TUBGCP3: variants seen among roughly 807,000 people sequenced by gnomAD.
The protein encoded by TUBGCP3 is gamma-tubulin complex component 3.
TUBGCP3 carries 50 observed loss-of-function variants against 123.1 expected under a neutral mutation model. The ratio of observed to expected loss-of-function variants is 0.41; its 90% CI spans 0.32 to 0.51. TUBGCP3 has a LOEUF of 0.51. Among genes scored for constraint, TUBGCP3 ranks in the 20% least tolerant of loss-of-function variants. The probability of loss-of-function intolerance (pLI) is 0.36; values close to 1 mark genes in which losing one functional copy is unlikely to be tolerated. For missense variants in TUBGCP3, 882 were observed against 1,127.0 expected (o/e 0.78, Z 3.11); for synonymous variants, 405 against 413.9 (o/e 0.98, Z 0.26).
chr13:112,554,834 A>G (rs1879891963), intron 7 of TUBGCP3, 53 bp downstream of exon 7: 2 of 1,342,830 alleles, frequency 1.5e-6, no homozygotes, highest in Non-Finnish European at 2.1e-6. Flanking sequence ...TCTGGACTTC[A>G]TGACATGTTT....
Position 112,539,628 on chromosome 13 carries a change from C to T in TUBGCP3, c.1335+6071G>A, listed in dbSNP as rs1878336313. On this transcript the variant is annotated intron_variant, in intron 11 of 21. Transcript: ENST00000261965. The stretch of plus-strand genomic sequence containing the variant: ...ATTACAAATCATGAACTTCCTAGAG[C>T]TCTATCTAATCTCAGACCCTAGGTA... 2.6e-5 allele frequency among the ~76,000 whole-genome samples: 4 copies of T among 152,340 alleles called. No homozygotes were observed. In the South Asian group the frequency reaches 8.3e-4, roughly 32 times the overall value.
At chr13:112,589,889 C>T (rs1467437625), upstream of TUBGCP3, among the ~76,000 whole-genome samples, 3 of 152,058 alleles carry the variant, frequency 2.0e-5, no homozygotes, top group Non-Finnish European at 4.4e-5. Context: ...AAAAACAGGA[C>T]GAGAAAATTG....
chr13:112,554,033 G>T (rs756474147), intron 8 of TUBGCP3, 24 bp downstream of exon 8: 8 of 1,602,778 alleles, frequency 5.0e-6, no homozygotes, highest in Non-Finnish European at 6.8e-6. Flanking sequence ...CAGCATCCCA[G>T]CATCCTAGGA....
intron 20 of TUBGCP3, among the ~76,000 whole-genome samples, chr13:112,498,597 C>T (rs1340441939): frequency 6.6e-6 from 1 of 152,188 alleles, no homozygotes; most frequent in African/African-American, 2.4e-5. Flanking sequence ...ATATTAAATG[C>T]ACTTTCAGTG....
chr13:112,599,443 G>A, the TUBGCP3 span, among the ~76,000 whole-genome samples: 8 of 151,964 alleles, frequency 5.3e-5, no homozygotes, highest in African/African-American at 1.9e-4. Context: ...ATTTATATTG[G>A]TATTTATGGG....
In TUBGCP3 at chr13:112,527,447, C is replaced by T. The variant is rs770762441; in HGVS notation, c.1373G>A (p.Arg458Gln). ...VASDPTVKTD[R>Q]LWHDKYTLRK... ...CAAAGTATACTTGTCGTGCCACAGT[C>T]GATCTGTTTTAACTGTTGGATCTGA... The change falls in exon 12 of 22, where the codon CGA becomes CAA. Residue 458 changes from arginine to glutamine, a missense_variant. By Grantham distance (43) the Arg-to-Gln change is conservative. Transcript: ENST00000261965. 5.0e-6 allele frequency: 8 copies of T among 1,611,266 alleles called. No individual in the cohort carries two copies. The South Asian group carries it at 5.5e-5, about 11-fold the overall frequency.
chr13:112,599,645 T>G, the TUBGCP3 span, among the ~76,000 whole-genome samples: 1 of 152,106 alleles, frequency 6.6e-6, no homozygotes, highest in East Asian at 1.9e-4. Context: ...TACCTGGGAC[T>G]ACAGGCGCAT....
chr13:112,539,632 A>G (rs1278969964), intron 11 of TUBGCP3, among the ~76,000 whole-genome samples: 2 of 152,234 alleles, frequency 1.3e-5, no homozygotes, highest in Non-Finnish European at 2.9e-5. Context: ...CTAGAGCTCT[A>G]TCTAATCTCA....
intron 17 of TUBGCP3, 48 bp from the exon 18 acceptor site, chr13:112,504,762 C>T (rs755392001): frequency 1.4e-5 from 21 of 1,452,722 alleles, no homozygotes; most frequent in Middle Eastern, 1.7e-4. Flanking sequence ...GTACACTTAC[C>T]GACAACGCGC....
intron 14 of TUBGCP3, among the ~76,000 whole-genome samples, chr13:112,520,995 G>GT (rs562399571): frequency 2.0e-4 from 31 of 152,212 alleles, no homozygotes; most frequent in Non-Finnish European, 2.2e-4. Context: ...TAGCACGCAT[G>GT]TGATACTTTC....
At chr13:112,599,625 G>A in the TUBGCP3 span, among the ~76,000 whole-genome samples, 11 of 152,058 alleles carry the variant, frequency 7.2e-5, no homozygotes, top group African/African-American at 2.7e-4. Context: ...TCCTACCTCA[G>A]CCTCCTGAGT....
intron 20 of TUBGCP3, among the ~76,000 whole-genome samples, chr13:112,495,557 C>T (rs989470381): frequency 6.6e-6 from 1 of 152,060 alleles, no homozygotes; most frequent in Non-Finnish European, 1.5e-5. Flanking sequence ...ATTACAATAT[C>T]TTTATTAGAA....
In TUBGCP3 at chr13:112,511,796, TACA is replaced by T. The variant is rs1881692391; in HGVS notation, c.2086+4641_2086+4643del. 6.6e-6 allele frequency among the ~76,000 whole-genome samples: 1 copy of T among 152,148 alleles called. No homozygotes were observed. The highest frequency in any genetic ancestry group is 2.1e-4 in the South Asian group (1 of 4,828). ...CTGGGTCTCAGGCTGCTCTCCACTA[TACA>T]CTAGGGAGGTTTGACTGTGGTATCT... On this transcript the variant is annotated intron_variant, in intron 17 of 21. Coordinates refer to ENST00000261965, the MANE Select transcript of TUBGCP3 (RefSeq NM_006322.6). This position sits in a 1 kb window ranked among gnomAD's most constrained non-coding sequence, Gnocchi z 4.1.
intron 20 of TUBGCP3, among the ~76,000 whole-genome samples, chr13:112,492,276 G>A (rs1880147599): frequency 6.6e-6 from 1 of 152,028 alleles, no homozygotes; most frequent in African/African-American, 2.4e-5. Context: ...TTTGATGCTT[G>A]GTTACAAAAG....
chr13:112,519,059 A>C lies in TUBGCP3; in HGVS notation c.1882-16T>G, dbSNP rs1460650378. ...CTGGAGAGACCTAACAACAGAAACA[A>C]ACACATAATTGCAAGACCTTAAGCT... is the stretch of plus-strand genomic sequence containing the variant. On this transcript the variant is annotated splice_polypyrimidine_tract_variant and intron_variant, in intron 15 of 21. Coordinates refer to ENST00000261965, the MANE Select transcript of TUBGCP3 (RefSeq NM_006322.6). The surrounding 1 kb of genome is among the most constrained non-coding windows in gnomAD (Gnocchi z 6.2). The C allele has an allele frequency of 1.2e-6, 2 of 1,607,606 alleles. No homozygotes were observed. Among genetic ancestry groups the C allele is most frequent in the South Asian group, 2.2e-5 (2 of 90,940 alleles).
intron 4 of TUBGCP3, among the ~76,000 whole-genome samples, chr13:112,558,982 A>G (rs1880279983): frequency 6.6e-6 from 1 of 152,254 alleles, no homozygotes. Context: ...AACTGAGAGC[A>G]TGAAAAACTC....
intron 1 of TUBGCP3, among the ~76,000 whole-genome samples, chr13:112,575,895 C>T (rs1457255154): frequency 6.6e-6 from 1 of 152,184 alleles, no homozygotes; most frequent in African/African-American, 2.4e-5. Flanking sequence ...GAAAAGGCGA[C>T]GCAGCACCCC....
intron 11 of TUBGCP3, among the ~76,000 whole-genome samples, chr13:112,542,886 G>A (rs755925206): frequency 3.3e-5 from 5 of 152,128 alleles, no homozygotes; most frequent in African/African-American, 4.8e-5. Flanking sequence ...GGTGGCTCAC[G>A]CCTGTAATCC....
chr13:112,599,639 T>G, the TUBGCP3 span, among the ~76,000 whole-genome samples: 22,938 of 152,122 alleles, frequency 0.15, 2,023 homozygotes, highest in East Asian at 0.21. Flanking sequence ...CCTGAGTACC[T>G]GGGACTACAG....
Sources: gnomAD v4.1 joint callset for allele counts (sites outside exome capture counted in the v4.1 genomes callset) on GRCh38, gnomAD v4.1.1 for gene constraint, Gnocchi (gnomAD v3.1) non-coding constraint, MANE v1.5 for transcripts, NCBI Gene and HGNC (gene_info 2026-07-23, HGNC 2026-07-21) for gene names.